Variants in PDZD7 observed in about 807,000 individuals in gnomAD.
PDZD7 encodes PDZ domain-containing protein 7.
A neutral mutation model predicts 84.7 loss-of-function variants in PDZD7; 72 were observed. The ratio of observed to expected loss-of-function variants is 0.85; its 90% CI spans 0.70 to 1.03. The LOEUF is 1.03. PDZD7 is among the 50% of genes least tolerant of loss of function. The probability of loss-of-function intolerance (pLI) is 0.00; values close to 1 mark genes in which losing one functional copy is unlikely to be tolerated. For missense variants in PDZD7, 1,490 were observed against 1,412.9 expected (o/e 1.05, Z -0.87); for synonymous variants, 594 against 580.7 (o/e 1.02, Z -0.33).
Position 101,015,791 on chromosome 10 carries a change from G to C in PDZD7, c.1594C>G (p.Leu532Val). 1.3e-6 allele frequency: 2 copies of C among 1,549,106 alleles called. No individual in the cohort carries two copies. The highest frequency in any genetic ancestry group is 1.7e-6 in the Non-Finnish European group (2 of 1,146,682). ...GGACTCCCAGACCTGGCAGACAGCA[G>C]GGCCCGGCCCCTCTCCTGGTCTGCA... is the stretch of plus-strand genomic sequence containing the variant. ...LRRDQERGRALLSARSGSPSS... is the reference protein window; with the variant it reads ...LRRDQERGRAVLSARSGSPSS... The change falls in exon 11 of 17, where the codon CTG (leucine) becomes GTG (valine). Residue 532 changes from leucine (L) to valine (V), a missense_variant. Physicochemically the swap from Leu to Val is conservative, Grantham distance 32. Transcript: ENST00000619208.
chr10:101,008,580 G>A lies in PDZD7; in HGVS notation c.2989C>T (p.Pro997Ser). 1 of 1,535,890 alleles carries A rather than the reference G, an allele frequency of 6.5e-7. No homozygotes were observed. Among genetic ancestry groups the A allele is most frequent in the Non-Finnish European group, 8.7e-7 (1 of 1,146,746 alleles). Residue 997 changes from proline (P) to serine (S), a missense_variant, in exon 17 of 17, where the codon CCC (proline) becomes TCC (serine). Pro to Ser is a moderately conservative substitution (Grantham distance 74). Transcript: ENST00000619208. The stretch of plus-strand genomic sequence containing the variant: ...CTGGCATCAGTGGGAGGAGTCTGGG[G>A]ATTGGTGGGAGGTTCTGGGAGCCAG... Reference protein sequence around the residue: ...AHWLPEPPTNPQTPPTDARLL... With the variant: ...AHWLPEPPTNSQTPPTDARLL...
chr10:101,014,372 A>G (rs1209553290), intron 11 of PDZD7, among the ~76,000 whole-genome samples: 1 of 151,988 alleles, frequency 6.6e-6, no homozygotes, highest in Non-Finnish European at 1.5e-5. Flanking sequence ...GGCAGGTGGT[A>G]TGGGGGCACA....
intron 9 of PDZD7, 141 bp from the exon 10 acceptor site, chr10:101,016,568 G>T: frequency 1.2e-6 from 1 of 817,450 alleles, no homozygotes; most frequent in Non-Finnish European, 1.9e-6. Flanking sequence ...GGCCCTGAGG[G>T]GCTTGAAGGC....
Position 101,020,607 on chromosome 10 carries a change from G to C in PDZD7, c.928+11C>G. 1 of 1,611,798 alleles carries C rather than the reference G, an allele frequency of 6.2e-7. No homozygotes were observed. The highest frequency in any genetic ancestry group is 1.1e-5 in the South Asian group (1 of 91,034). On this transcript the variant is annotated intron_variant, in intron 7 of 16. Transcript: ENST00000619208. Reference sequence around the variant, plus strand: ...CTTTCCCTCCAACCTTGGGAGATCTGAGCCACTTACGTCGGTCCAGCCAGC... The same window carrying C: ...CTTTCCCTCCAACCTTGGGAGATCTCAGCCACTTACGTCGGTCCAGCCAGC...
In PDZD7 at chr10:101,017,579, T is replaced by C. The variant is rs1448188911; in HGVS notation, c.1522+520A>G. 8 of 701,316 alleles carry C rather than the reference T, an allele frequency of 1.1e-5. 1 individual carries two copies. The highest frequency in any genetic ancestry group is 1.0e-4 in the South Asian group (7 of 67,508). 43.4% of individuals were successfully genotyped at this position (701,316 alleles called of 1,614,324 possible). ...GGTAGATAGCTTCAGTCCAGGAATT[T>C]GAGACTAGCCTGGGCAACAGGGTGA... On this transcript the variant is annotated intron_variant, in intron 9 of 16. Transcript: ENST00000619208.
chr10:101,024,189 G>A (rs1937586720), intron 2 of PDZD7, 121 bp from the exon 3 acceptor site: 2 of 1,385,450 alleles, frequency 1.4e-6, no homozygotes, highest in Non-Finnish European at 2.0e-6. Flanking sequence ...AGGCACGTAG[G>A]GGCCTAAATG....
At chr10:101,022,985 T>C (rs544651795) in intron 4 of PDZD7, 2 of 215,030 alleles carry the variant, frequency 9.3e-6, no homozygotes, top group South Asian at 1.4e-4. Context: ...TTGGTCAGGC[T>C]GGTCTTGAAC....
intron 2 of PDZD7, among the ~76,000 whole-genome samples, chr10:101,025,205 G>A (rs919127098): frequency 1.3e-5 from 2 of 152,124 alleles, no homozygotes; most frequent in Non-Finnish European, 2.9e-5. Context: ...AATAGAATGG[G>A]TTTTCTTTCT....
At chr10:101,029,745 T>C (rs374729647) in intron 2 of PDZD7, among the ~76,000 whole-genome samples, 1 of 152,230 alleles carries the variant, frequency 6.6e-6, no homozygotes, top group African/African-American at 2.4e-5. Context: ...TGCCTGTCCC[T>C]GCTGCCATGG....
intron 10 of PDZD7, 47 bp downstream of exon 10, chr10:101,016,330 G>A: frequency 6.5e-7 from 1 of 1,544,440 alleles, no homozygotes; most frequent in Non-Finnish European, 8.8e-7. Context: ...ACCCTCATCT[G>A]CCGCTCTACT....
chr10:101,020,299 T>C (rs1349078981), intron 7 of PDZD7, among the ~76,000 whole-genome samples: 1 of 151,600 alleles, frequency 6.6e-6, no homozygotes, highest in Admixed American at 6.6e-5. Context: ...AAAGACTGGG[T>C]TTCTCCATGT....
chr10:101,021,519 C>T (rs959408064), intron 6 of PDZD7, among the ~76,000 whole-genome samples: 1 of 152,138 alleles, frequency 6.6e-6, no homozygotes, highest in Admixed American at 6.5e-5. Flanking sequence ...AACCCTAGGC[C>T]TCCACCCTTC....
chr10:101,018,128 T>C lies in PDZD7; in HGVS notation c.1493A>G (p.Lys498Arg), dbSNP rs1852807426. The change falls in exon 9 of 17, where the codon AAA (lysine) becomes AGA (arginine). Residue 498 changes from lysine to arginine, a missense_variant. By Grantham distance (26) the Lys-to-Arg change is conservative. Coordinates refer to ENST00000619208, the MANE Select transcript of PDZD7 (RefSeq NM_001195263.2). Reference protein sequence around the residue: ...AWTLDSGSLAKTYPRLDIEKA... With the variant: ...AWTLDSGSLARTYPRLDIEKA... ...CTCTATGTCCAGGCGAGGGTAAGTT[T>C]TGGCCAGGCTCCCGCTGTCCAGTGT... 1.2e-6 allele frequency: 2 copies of C among 1,614,194 alleles called. No homozygotes were observed. The highest frequency in any genetic ancestry group is 8.5e-7 in the Non-Finnish European group (1 of 1,180,032).
rs1852359861 is a variant in PDZD7 at position 101,010,552 on chromosome 10, G to A, written c.2337C>T (p.Arg779=). The change falls in exon 15 of 17, where the codon CGC becomes CGT. Residue 779 remains arginine, a synonymous_variant. Transcript: ENST00000619208. ...GACCCCGGCTGCTGCGGCTGCGGCT[G>A]CGGCTACGGCTGCGGCTACGGCTCT... ...RAQSRSRSRS[R]SRSRSSRGQG... 1.3e-6 allele frequency: 2 copies of A among 1,524,760 alleles called. No homozygotes were observed. The highest frequency in any genetic ancestry group is 1.4e-5 in the African/African-American group (1 of 72,646). 94.5% of individuals were successfully genotyped at this position (1,524,760 alleles called of 1,614,324 possible). A position where few individuals can be genotyped will look rare whatever the true frequency, so the allele number is the denominator to read the frequency against.
At position 101,010,558 on chromosome 10, in the gene PDZD7, A is replaced by C. The variant is rs564150396; in HGVS notation, c.2331T>G (p.Arg777=). The C allele has an allele frequency of 6.9e-7, 1 of 1,440,944 alleles. No individual in the cohort carries two copies. Among genetic ancestry groups the C allele is most frequent in the East Asian group, 2.5e-5 (1 of 40,270 alleles). The allele number at this position is 1,440,944 out of a possible 1,614,324, so 89.3% of individuals were successfully genotyped here. A position where few individuals can be genotyped will look rare whatever the true frequency, so the allele number is the denominator to read the frequency against. ...RGRAQSRSRS[R]SRSRSRSSRG... is the part of the protein sequence containing the mutation. ...GGCTGCTGCGGCTGCGGCTGCGGCT[A>C]CGGCTGCGGCTACGGCTCTGAGCCC... Residue 777 remains arginine (R), a synonymous_variant, in exon 15 of 17, where the codon CGT becomes CGG. Coordinates refer to ENST00000619208, the MANE Select transcript of PDZD7 (RefSeq NM_001195263.2).
intron 3 of PDZD7, 118 bp from the exon 4 acceptor site, chr10:101,023,728 A>G: frequency 6.9e-7 from 1 of 1,454,282 alleles, no homozygotes; most frequent in African/African-American, 1.4e-5. Flanking sequence ...GGATTGTCAG[A>G]GCAGGGGCTG....
At chr10:101,018,654 T>A (rs997358051) in intron 8 of PDZD7, among the ~76,000 whole-genome samples, 168 bp downstream of exon 8, 2 of 152,074 alleles carry the variant, frequency 1.3e-5, no homozygotes, top group Admixed American at 6.5e-5. Flanking sequence ...GGTCCAGGAC[T>A]AATTTAAAGT....
At chr10:101,024,162 G>A (rs1201091341) in intron 2 of PDZD7, 94 bp from the exon 3 acceptor site, 1 of 1,582,724 alleles carries the variant, frequency 6.3e-7, no homozygotes, top group Non-Finnish European at 8.7e-7. Context: ...AGGCTAGGTT[G>A]CTGGGCACAG....
At position 101,018,309 on chromosome 10, in the gene PDZD7, G is replaced by A. The variant is rs1252755356; in HGVS notation, c.1325-13C>T. 2 of 1,613,200 alleles carry A rather than the reference G, an allele frequency of 1.2e-6. No homozygotes were observed. Among genetic ancestry groups the A allele is most frequent in the Admixed American group, 1.7e-5 (1 of 60,014 alleles). Reference sequence around the variant, plus strand: ...TGCTGCTTCTCCTCTGCAGACACGAGGGAGCAACGGGGGAGCTGGAGGGGT... The same window carrying A: ...TGCTGCTTCTCCTCTGCAGACACGAAGGAGCAACGGGGGAGCTGGAGGGGT... On this transcript the variant is annotated splice_polypyrimidine_tract_variant and intron_variant, in intron 8 of 16. Transcript: ENST00000619208.
Sources: gnomAD v4.1 joint callset for allele counts (sites outside exome capture counted in the v4.1 genomes callset) on GRCh38, gnomAD v4.1.1 for gene constraint, MANE v1.5 for transcripts, NCBI Gene and HGNC (gene_info 2026-07-23, HGNC 2026-07-21) for gene names.